NR2C2: variants seen among roughly 807,000 people sequenced by gnomAD.
NR2C2 encodes Nuclear hormone receptor TR4.
NR2C2 carries 6 observed loss-of-function variants against 62.9 expected under a neutral mutation model. That is an observed-to-expected ratio of 0.10 (90% CI 0.05 to 0.19). The LOEUF (loss-of-function observed/expected upper bound fraction) is 0.19. NR2C2 is among the 10% of genes least tolerant of loss of function. The probability of loss-of-function intolerance (pLI) is 1.00; values close to 1 mark genes in which losing one functional copy is unlikely to be tolerated. For missense variants in NR2C2, 479 were observed against 762.7 expected, an observed-to-expected ratio of 0.63 and a Z score of 4.38; for synonymous variants, 272 against 273.8, an observed-to-expected ratio of 0.99 and a Z score of 0.07.
At chr3:14,969,169 C>T (rs1264531112) in intron 1 of NR2C2, among the ~76,000 whole-genome samples, 3 of 151,568 alleles carry the variant, frequency 2.0e-5, no homozygotes, top group South Asian at 2.1e-4. Context: ...AAAAAATTTC[C>T]CTCTATAACT....
chr3:14,972,473 T>C lies in NR2C2; in HGVS notation c.-40+24567T>C, dbSNP rs572097586. ...ACAGGCATGAGCCAGTACACCAGGC[T>C]GAGCAGCTTTTCATATGCTAGTTGG... On this transcript the variant is annotated intron_variant, in intron 1 of 13. Transcript: ENST00000425241. Among the ~76,000 whole-genome samples, 5 of 152,328 alleles carry C rather than the reference T, an allele frequency of 3.3e-5. No individual in the cohort carries two copies. In the South Asian group the frequency reaches 1.0e-3, roughly 32 times the overall value.
chr3:15,000,706 A>G (rs2124909136), intron 1 of NR2C2, among the ~76,000 whole-genome samples: 1 of 152,354 alleles, frequency 6.6e-6, no homozygotes, highest in Non-Finnish European at 1.5e-5. Context: ...AATTTATGCA[A>G]AAAAGCACCT....
rs763692554 is a variant in NR2C2, at chr3:15,023,195, T to C, written c.557-5T>C. On this transcript the variant is annotated splice_region_variant and splice_polypyrimidine_tract_variant and intron_variant, in intron 5 of 13. Transcript: ENST00000425241. ...TAAACACAAATATTTATGTTGTGAT[T>C]TAAGCTGTGCAGAGTGAACGGAAGC... The C allele has an allele frequency of 6.2e-7, 1 of 1,613,854 alleles. No homozygotes were observed. The highest frequency in any genetic ancestry group is 2.2e-5 in the East Asian group (1 of 44,886).
In NR2C2 at chr3:14,992,020, C is replaced by T. The variant is rs756480501; in HGVS notation, c.-39-11856C>T. Among the ~76,000 whole-genome samples the T allele has an allele frequency of 6.2e-4, 95 of 152,080 alleles. 1 individual carries two copies. The highest frequency in any genetic ancestry group is 1.2e-3 in the Non-Finnish European group (83 of 67,996). The stretch of plus-strand genomic sequence containing the variant: ...CTCCTGGCCTCAAGTGATCTTCCTA[C>T]CTCGCCCTCCCAAACTGCTGTGATT... On this transcript the variant is annotated intron_variant, in intron 1 of 13. Coordinates refer to ENST00000425241, the MANE Select transcript of NR2C2 (RefSeq NM_001291694.2).
chr3:15,046,673 A>G lies in NR2C2; in HGVS notation c.*3665A>G, dbSNP rs976955467. ...TCCAGTGTAAATGACTTTATGTGCA[A>G]TGGGGTCATAGGTAACATTTTAACT... On this transcript the variant is annotated 3_prime_UTR_variant, in exon 14 of 14. Coordinates refer to ENST00000425241, the MANE Select transcript of NR2C2 (RefSeq NM_001291694.2). The G allele has an allele frequency of 1.3e-5, 2 of 152,344 alleles. No homozygotes were observed. The highest frequency in any genetic ancestry group is 2.4e-5 in the African/African-American group (1 of 41,446). 9.4% of individuals were successfully genotyped at this position (152,344 alleles called of 1,614,324 possible).
intron 7 of NR2C2, among the ~76,000 whole-genome samples, chr3:15,028,335 A>G (rs780984086): frequency 5.9e-5 from 9 of 152,198 alleles, no homozygotes; most frequent in Non-Finnish European, 1.3e-4. Flanking sequence ...TTGAAGCACA[A>G]CAGTTTTAAT....
intron 11 of NR2C2, among the ~76,000 whole-genome samples, chr3:15,037,159 G>C (rs1299509256): frequency 6.6e-6 from 1 of 150,574 alleles, no homozygotes; most frequent in East Asian, 1.9e-4. Flanking sequence ...GTTAAGATTT[G>C]TTCACAAATG....
At chr3:15,024,939 A>T (rs2041780125) in intron 7 of NR2C2, among the ~76,000 whole-genome samples, 1 of 152,216 alleles carries the variant, frequency 6.6e-6, no homozygotes, top group South Asian at 2.1e-4. Context: ...TCATGGGTGT[A>T]CTCAGGGCAT....
At chr3:14,996,562 A>G (rs773108703) in intron 1 of NR2C2, among the ~76,000 whole-genome samples, 27 of 152,150 alleles carry the variant, frequency 1.8e-4, no homozygotes, top group Non-Finnish European at 1.3e-4. Flanking sequence ...CGTTTTAGCT[A>G]TTAGAGGGTT....
At chr3:14,949,491 T>G (rs367687550) in intron 1 of NR2C2, among the ~76,000 whole-genome samples, 30 of 152,294 alleles carry the variant, frequency 2.0e-4, no homozygotes, top group African/African-American at 7.0e-4. Flanking sequence ...GGCTGTGAAA[T>G]ATAGCAACGG....
intron 1 of NR2C2, among the ~76,000 whole-genome samples, chr3:15,002,645 C>CT (rs371981775): frequency 0.17 from 6,633 of 39,404 alleles, 2,329 homozygotes; most frequent in East Asian, 0.34. Flanking sequence ...TCACAATATA[C>CT]TTTTTTTTTT....
chr3:14,976,370 T>TA (rs1003506873), intron 1 of NR2C2, among the ~76,000 whole-genome samples: 16 of 152,312 alleles, frequency 1.1e-4, no homozygotes, highest in African/African-American at 3.6e-4. Context: ...CTATTACAGA[T>TA]ACTTCCTAGT....
intron 2 of NR2C2, among the ~76,000 whole-genome samples, chr3:15,013,284 G>A (rs1311715127): frequency 6.6e-6 from 1 of 152,148 alleles, no homozygotes; most frequent in African/African-American, 2.4e-5. Flanking sequence ...TGAGGACAAG[G>A]ACTTTTCAAA....
chr3:15,001,081 T>C (rs1159675578), intron 1 of NR2C2, among the ~76,000 whole-genome samples: 1 of 152,142 alleles, frequency 6.6e-6, no homozygotes, highest in Non-Finnish European at 1.5e-5. Context: ...CCCAAAGTGC[T>C]GGGATTACAG....
intron 1 of NR2C2, among the ~76,000 whole-genome samples, chr3:14,981,899 T>C (rs1305825008): frequency 6.6e-6 from 1 of 152,186 alleles, no homozygotes; most frequent in Admixed American, 6.5e-5. Context: ...GTCTAGTCCT[T>C]CCATGTTCCT....
At chr3:14,966,063 T>C (rs181173362) in intron 1 of NR2C2, among the ~76,000 whole-genome samples, 139 of 152,358 alleles carry the variant, frequency 9.1e-4, no homozygotes, top group African/African-American at 3.0e-3. Context: ...ATATATAATA[T>C]TTGATTAGCT....
intron 2 of NR2C2, among the ~76,000 whole-genome samples, chr3:15,007,151 G>C (rs146322596): frequency 1.4e-5 from 2 of 138,058 alleles, no homozygotes; most frequent in Admixed American, 1.5e-4. Context: ...TTTTTGAGGC[G>C]GAGTCTCGCT....
At chr3:14,989,105 A>G (rs1015312636) in intron 1 of NR2C2, among the ~76,000 whole-genome samples, 4 of 152,188 alleles carry the variant, frequency 2.6e-5, no homozygotes, top group Non-Finnish European at 5.9e-5. Flanking sequence ...CATGTCCATC[A>G]GGGGGCTACA....
At chr3:15,009,771 C>G (rs1236899399) in intron 2 of NR2C2, among the ~76,000 whole-genome samples, 2 of 152,186 alleles carry the variant, frequency 1.3e-5, no homozygotes, top group Non-Finnish European at 2.9e-5. Flanking sequence ...TCCCAACCTT[C>G]TGGTGGCCAG....
Sources: allele counts gnomAD v4.1 joint callset (sites outside exome capture counted in the v4.1 genomes callset), GRCh38; gene constraint gnomAD v4.1.1; transcripts MANE v1.5; gene names NCBI Gene and HGNC (gene_info 2026-07-23, HGNC 2026-07-21).